CA10: variants seen among roughly 807,000 people sequenced by gnomAD.
The protein encoded by CA10 is carbonic anhydrase-related protein 10.
A neutral mutation model predicts 44.2 loss-of-function variants in CA10; 14 were observed. That is an observed-to-expected ratio of 0.32 (90% CI 0.21 to 0.50). The LOEUF is 0.50. CA10 is among the 20% of genes least tolerant of loss of function. The pLI is 0.99. For synonymous variants in CA10, 159 were observed against 141.6 expected (o/e 1.12, Z -0.87); for missense variants, 350 against 409.7 (o/e 0.85, Z 1.26).
Position 51,735,901 on chromosome 17 carries a change from G to T in CA10, c.465+11732C>A, listed in dbSNP as rs184824174. Among the ~76,000 whole-genome samples, 5 of 116,876 alleles carry T rather than the reference G, an allele frequency of 4.3e-5. No individual in the cohort carries two copies. The Admixed American group carries it at 5.0e-4, about 12-fold the overall frequency. The allele number at this position is 116,876 out of a possible 152,430, so 76.7% of individuals were successfully genotyped here. On this transcript the variant is annotated intron_variant, in intron 4 of 8. Coordinates refer to ENST00000451037, the MANE Select transcript of CA10 (RefSeq NM_020178.5). ...CAGGAAAGGCAAAACTCTAGTGATT[G>T]CAAATCAGTGATTGCCGGGGCTAGG...
rs1313999288 is a variant in CA10, at chr17:51,798,000, G to T, written c.280-50182C>A. Among the ~76,000 whole-genome samples the T allele has an allele frequency of 2.0e-5, 3 of 152,246 alleles. No individual in the cohort carries two copies. The South Asian group carries it at 6.2e-4, about 32-fold the overall frequency. On this transcript the variant is annotated intron_variant, in intron 3 of 8. Transcript: ENST00000451037. ...TAGTTTTTATTGAAGAGGACACAGT[G>T]GCTCTGGGAGAGGAAGTGACTTGCC...
At position 51,995,247 on chromosome 17, in the gene CA10, GAAATA is replaced by G. The variant is rs1434000090; in HGVS notation, c.137-64120_137-64116del. The stretch of plus-strand genomic sequence containing the variant: ...TTTGGTACAAACAAAACAACCAAGA[GAAATA>G]AAATAAAACCCAACACCCAGCATTT... On this transcript the variant is annotated intron_variant, in intron 2 of 8. Transcript: ENST00000451037. Among the ~76,000 whole-genome samples the G allele has an allele frequency of 4.6e-5, 7 of 151,948 alleles. No individual in the cohort carries two copies. In the East Asian group the frequency reaches 9.7e-4, roughly 21 times the overall value.
At chr17:52,045,135 C>T (rs570106446) in intron 2 of CA10, among the ~76,000 whole-genome samples, 17 of 151,626 alleles carry the variant, frequency 1.1e-4, no homozygotes, top group African/African-American at 3.6e-4. Context: ...CTTAAAACTA[C>T]GCAAAACAAA....
chr17:51,710,025 C>T (rs1915883389), intron 4 of CA10, among the ~76,000 whole-genome samples: 1 of 152,130 alleles, frequency 6.6e-6, no homozygotes, highest in Admixed American at 6.5e-5. Flanking sequence ...TGGGGTGATC[C>T]ATCTATGAAA....
intron 2 of CA10, among the ~76,000 whole-genome samples, chr17:51,974,691 G>A (rs543269837): frequency 3.3e-5 from 5 of 151,978 alleles, no homozygotes; most frequent in African/African-American, 9.6e-5. Context: ...CTATTTTACC[G>A]AAAATAAAAT....
In CA10 at chr17:52,139,607, C is replaced by T. The variant is rs140420689; in HGVS notation, c.61+18119G>A. On this transcript the variant is annotated intron_variant, in intron 1 of 8. Coordinates refer to ENST00000451037, the MANE Select transcript of CA10 (RefSeq NM_020178.5). ...AACCTCTCTGAGCTTCCTTTTTCTA[C>T]AAAATGTTGATAATATACTCCCAAA... is the stretch of plus-strand genomic sequence containing the variant. Among the ~76,000 whole-genome samples, 447 of 152,064 alleles carry T rather than the reference C, an allele frequency of 2.9e-3. 8 individuals carry two copies. The highest frequency in any genetic ancestry group is 0.024 in the Admixed American group (365 of 15,268).
At chr17:51,717,674 T>C (rs1438915569) in intron 4 of CA10, among the ~76,000 whole-genome samples, 1 of 93,574 alleles carries the variant, frequency 1.1e-5, no homozygotes, top group South Asian at 3.6e-4. Flanking sequence ...TACATGTATA[T>C]ATGTATATAT....
chr17:52,108,492 T>C lies in CA10; in HGVS notation c.62-36099A>G, dbSNP rs140447535. On this transcript the variant is annotated intron_variant, in intron 1 of 8. Transcript: ENST00000451037. ...GGCAGGCGAATCACGAGGTCAGGAGTTCGAGACCAGCCTGACCAACATGCT... is the reference window on the plus strand; with the variant it reads ...GGCAGGCGAATCACGAGGTCAGGAGCTCGAGACCAGCCTGACCAACATGCT... 2.1e-3 allele frequency among the ~76,000 whole-genome samples: 317 copies of C among 149,322 alleles called. 14 individuals are homozygous for C. In the East Asian group the frequency reaches 0.056, roughly 27 times the overall value.
chr17:51,791,204 A>G (rs1403673259), intron 3 of CA10, among the ~76,000 whole-genome samples: 3 of 152,218 alleles, frequency 2.0e-5, no homozygotes, highest in Non-Finnish European at 4.4e-5. Context: ...TAAATAGAAG[A>G]GCTAGACTAA....
At chr17:52,107,126 G>C (rs1206370394) in intron 1 of CA10, among the ~76,000 whole-genome samples, 1 of 152,174 alleles carries the variant, frequency 6.6e-6, no homozygotes, top group East Asian at 1.9e-4. Flanking sequence ...TCTATGAAAG[G>C]AGAAGGTTGA....
rs550889856 is a variant in CA10, at chr17:51,849,205, G to GTA, written c.279+81783_279+81784dup. Among the ~76,000 whole-genome samples, 333 of 50,408 alleles carry GTA rather than the reference G, an allele frequency of 6.6e-3. 8 individuals carry two copies. Among genetic ancestry groups the GTA allele is most frequent in the Non-Finnish European group, 9.1e-3 (242 of 26,664 alleles). 33.1% of individuals were successfully genotyped at this position (50,408 alleles called of 152,430 possible). ...TATGTATATATATATATACATATAT[G>GTA]TATATATATATATACATATATGTGT... On this transcript the variant is annotated intron_variant, in intron 3 of 8. Transcript: ENST00000451037.
chr17:51,840,302 T>C (rs1452857886), intron 3 of CA10, among the ~76,000 whole-genome samples: 1 of 152,208 alleles, frequency 6.6e-6, no homozygotes, highest in Non-Finnish European at 1.5e-5. Context: ...ATGCTGTTTT[T>C]ACTGAGTTTG....
intron 1 of CA10, among the ~76,000 whole-genome samples, chr17:52,126,318 C>A (rs898655023): frequency 6.6e-6 from 1 of 152,012 alleles, no homozygotes; most frequent in East Asian, 1.9e-4. Flanking sequence ...GAAGTATATG[C>A]CTTTATTGTT....
chr17:52,157,699 A>C (rs1402501640), intron 1 of CA10, 27 bp downstream of exon 1: 1 of 1,608,060 alleles, frequency 6.2e-7, no homozygotes, highest in South Asian at 1.1e-5. Context: ...AATCCAAATC[A>C]GCCAGTGACT....
intron 3 of CA10, among the ~76,000 whole-genome samples, chr17:51,833,695 T>C (rs1176084902): frequency 6.6e-6 from 1 of 152,194 alleles, no homozygotes; most frequent in African/African-American, 2.4e-5. Context: ...GTCAGTTTTG[T>C]AAAATTTTCA....
chr17:51,807,311 G>A (rs971558493), intron 3 of CA10, among the ~76,000 whole-genome samples: 2 of 152,188 alleles, frequency 1.3e-5, no homozygotes, highest in Non-Finnish European at 2.9e-5. Flanking sequence ...GAAATGAAAG[G>A]ACTTTCTTTC....
chr17:51,827,623 C>T (rs765164396), intron 3 of CA10, among the ~76,000 whole-genome samples: 15 of 152,150 alleles, frequency 9.9e-5, no homozygotes, highest in Non-Finnish European at 2.1e-4. Flanking sequence ...TTCATGATTG[C>T]ATTAAAGTAG....
At chr17:51,784,289 T>G (rs1346116705) in intron 3 of CA10, among the ~76,000 whole-genome samples, 1 of 152,126 alleles carries the variant, frequency 6.6e-6, no homozygotes, top group African/African-American at 2.4e-5. Context: ...ATCCAGCTGC[T>G]GCCCAGAGCC....
intron 2 of CA10, among the ~76,000 whole-genome samples, chr17:52,018,725 G>A (rs1567704980): frequency 6.6e-6 from 1 of 152,126 alleles, no homozygotes; most frequent in Non-Finnish European, 1.5e-5. Flanking sequence ...GGGAAAGGAT[G>A]ATTGTATTTT....
Sources: gnomAD v4.1 joint callset for allele counts (sites outside exome capture counted in the v4.1 genomes callset) on GRCh38, gnomAD v4.1.1 for gene constraint, MANE v1.5 for transcripts, NCBI Gene and HGNC (gene_info 2026-07-23, HGNC 2026-07-21) for gene names.